PISD: variants seen among roughly 807,000 people sequenced by gnomAD.
The protein encoded by PISD is phosphatidylserine decarboxylase.
A neutral mutation model predicts 43.5 loss-of-function variants in PISD; 31 were observed. The ratio of observed to expected loss-of-function variants is 0.71; its 90% confidence interval spans 0.54 to 0.96. The LOEUF is 0.96. PISD is among the 40% of genes least tolerant of loss of function. PISD has a pLI of 0.00. For missense variants in PISD, 523 were observed against 548.4 expected, an observed-to-expected ratio of 0.95 and a Z score of 0.46; for synonymous variants, 259 against 228.7, an observed-to-expected ratio of 1.13 and a Z score of -1.20.
chr22:31,647,996 A>C, intron 3 of PISD, 105 bp downstream of exon 3: 1 of 988,998 alleles, frequency 1.0e-6, no homozygotes, highest in Non-Finnish European at 1.5e-6. Context: ...GAGTTCCAAG[A>C]AAGCATATTT....
At chr22:31,642,962 C>A (rs922230679) in intron 3 of PISD, among the ~76,000 whole-genome samples, 2 of 151,228 alleles carry the variant, frequency 1.3e-5, no homozygotes, top group East Asian at 3.9e-4. Context: ...ATTAGCCAGG[C>A]GTGGTGGCAC....
At chr22:31,662,443 C>G (rs183398218), upstream of PISD, 20 of 549,308 alleles carry the variant, frequency 3.6e-5, no homozygotes, top group East Asian at 5.8e-4. Flanking sequence ...CACTGCCACT[C>G]CTCCTCCTTC....
At chr22:31,637,143 TAAAAAAAAAAAAAAA>T (rs1170100945) in intron 3 of PISD, among the ~76,000 whole-genome samples, 36 of 31,582 alleles carry the variant, frequency 1.1e-3, no homozygotes, top group Admixed American at 1.8e-3. Flanking sequence ...ATAAATAAAT[TAAAAAAAAAAAAAAA>T]AAAAAAATAT....
At chr22:31,620,964 G>T in intron 6 of PISD, 32 bp downstream of exon 6, 1 of 1,591,344 alleles carries the variant, frequency 6.3e-7, no homozygotes, top group African/African-American at 1.4e-5. Context: ...AGCCCACAGA[G>T]GCAGCTCCCC....
chr22:31,630,226 C>CTGGA lies in PISD; in HGVS notation c.322-8342_322-8341insTCCA, dbSNP rs894869234. ...GAGGGCAGGCAGGACTCGCAGGGGT[C>CTGGA]TATCCTAGCCGCCCAAAGACAGGGA... is the stretch of plus-strand genomic sequence containing the variant. On this transcript the variant is annotated intron_variant, in intron 3 of 7. Transcript: ENST00000439502. The surrounding 1 kb of genome is among the most constrained non-coding windows in gnomAD (Gnocchi z 4.4). 2.2e-4 allele frequency among the ~76,000 whole-genome samples: 33 copies of CTGGA among 152,216 alleles called. No homozygotes were observed. The highest frequency in any genetic ancestry group is 8.3e-4 in the South Asian group (4 of 4,834).
rs1267084718 is a variant in PISD at position 31,619,739 on chromosome 22, C to T, written c.1103G>A (p.Gly368Asp). The change falls in exon 8 of 8, where the codon GGC (glycine) becomes GAC (aspartate). Residue 368 changes from glycine to aspartate, a missense_variant. Transcript: ENST00000439502. ...CAGGTTGAACTCGCCCAGGTGCTCG[C>T]CCTTACGCATGGGGACGCCCTCTCT... is the stretch of plus-strand genomic sequence containing the variant. ...TNREGVPMRKGEHLGEFNLGS... is the reference protein window; with the variant it reads ...TNREGVPMRKDEHLGEFNLGS... The T allele has an allele frequency of 6.2e-7, 1 of 1,614,182 alleles. No individual in the cohort carries two copies. The highest frequency in any genetic ancestry group is 1.7e-5 in the Admixed American group (1 of 60,028).
intron 3 of PISD, among the ~76,000 whole-genome samples, chr22:31,635,279 C>T (rs2049366720): frequency 1.3e-5 from 2 of 152,136 alleles, no homozygotes; most frequent in South Asian, 2.1e-4. Context: ...CCTTCCAGCC[C>T]AGAAGTTTAG....
intron 3 of PISD, among the ~76,000 whole-genome samples, chr22:31,644,163 C>A (rs1320826291): frequency 6.6e-6 from 1 of 152,076 alleles, no homozygotes; most frequent in African/African-American, 2.4e-5. Context: ...CTACAGGGCT[C>A]CTGGAAAACA....
intron 1 of PISD, among the ~76,000 whole-genome samples, chr22:31,658,171 G>A (rs546277342): frequency 2.6e-5 from 4 of 152,182 alleles, no homozygotes; most frequent in Non-Finnish European, 4.4e-5. Context: ...AAAGATGAAT[G>A]GATGGGTTCA....
intron 3 of PISD, chr22:31,628,193 C>A (rs749565784): frequency 1.0e-6 from 1 of 985,486 alleles, no homozygotes; most frequent in South Asian, 4.7e-5. Flanking sequence ...GGCTGAGCAC[C>A]GTCTGTCCCT....
At chr22:31,659,584 G>A (rs2074264934) in intron 1 of PISD, among the ~76,000 whole-genome samples, 1 of 152,004 alleles carries the variant, frequency 6.6e-6, no homozygotes, top group Non-Finnish European at 1.5e-5. Flanking sequence ...GTAGGATGGG[G>A]GCATATCTGG....
chr22:31,637,143 TAAAAAAAA>T (rs1170100945), intron 3 of PISD, among the ~76,000 whole-genome samples: 260 of 31,492 alleles, frequency 8.3e-3, no homozygotes, highest in East Asian at 0.012. Flanking sequence ...ATAAATAAAT[TAAAAAAAA>T]AAAAAAAAAA....
Position 31,619,116 on chromosome 22 carries a change from T to C in PISD, c.*496A>G, listed in dbSNP as rs1444886742. The C allele has an allele frequency of 4.0e-6, 1 of 248,454 alleles. No homozygotes were observed. Among genetic ancestry groups the C allele is most frequent in the African/African-American group, 2.3e-5 (1 of 43,790 alleles). 15.4% of individuals were successfully genotyped at this position (248,454 alleles called of 1,614,324 possible). ...GGTGAATGTGGGAACGGAAAGCAGTTGTCACGAAGGCTGTGTGGCTCTGCT... is the reference window on the plus strand; with the variant it reads ...GGTGAATGTGGGAACGGAAAGCAGTCGTCACGAAGGCTGTGTGGCTCTGCT... On this transcript the variant is annotated 3_prime_UTR_variant, in exon 8 of 8. Coordinates refer to ENST00000439502, the MANE Select transcript of PISD (RefSeq NM_001326411.2).
intron 1 of PISD, among the ~76,000 whole-genome samples, chr22:31,657,543 G>A (rs1045992277): frequency 2.0e-5 from 3 of 151,720 alleles, no homozygotes; most frequent in Non-Finnish European, 4.4e-5. Context: ...ATTTTTTTGA[G>A]ATGGCATCTT....
intron 3 of PISD, 70 bp downstream of exon 3, chr22:31,648,031 G>T: frequency 7.5e-7 from 1 of 1,341,624 alleles, no homozygotes; most frequent in Non-Finnish European, 1.0e-6. Flanking sequence ...TTTCAACTTT[G>T]GAACAACTGG....
intron 1 of PISD, among the ~76,000 whole-genome samples, chr22:31,656,279 G>A (rs1457795562): frequency 1.3e-5 from 2 of 152,088 alleles, no homozygotes; most frequent in East Asian, 1.9e-4. Flanking sequence ...AGGAGGTGGA[G>A]GTTGCAATGA....
intron 3 of PISD, among the ~76,000 whole-genome samples, chr22:31,625,264 G>C (rs1035317876): frequency 6.6e-6 from 1 of 152,126 alleles, no homozygotes; most frequent in African/African-American, 2.4e-5. Flanking sequence ...CTCTCCCATC[G>C]CACCCCGGTG....
intron 1 of PISD, among the ~76,000 whole-genome samples, chr22:31,651,212 C>G (rs898150327): frequency 1.3e-5 from 2 of 151,838 alleles, no homozygotes; most frequent in Non-Finnish European, 1.5e-5. Flanking sequence ...GATCCACCAG[C>G]CTCAGCCTCC....
In PISD at chr22:31,619,688, T is replaced by G; in HGVS notation, c.1154A>C (p.Glu385Ala). The stretch of plus-strand genomic sequence containing the variant: ...CTGGAAATTGAAGTCCTTGGGGGCC[T>G]CGAAGATGAGCACGATGGTGGAGCC... Reference protein sequence around the residue: ...NLGSTIVLIFEAPKDFNFQLK... With the variant: ...NLGSTIVLIFAAPKDFNFQLK... Residue 385 changes from glutamate to alanine, a missense_variant, in exon 8 of 8, where the codon GAG becomes GCG. Coordinates refer to ENST00000439502, the MANE Select transcript of PISD (RefSeq NM_001326411.2). The G allele has an allele frequency of 6.2e-7, 1 of 1,614,232 alleles. No homozygotes were observed. Among genetic ancestry groups the G allele is most frequent in the Non-Finnish European group, 8.5e-7 (1 of 1,180,034 alleles).
Sources: allele counts gnomAD v4.1 joint callset (sites outside exome capture counted in the v4.1 genomes callset), GRCh38; gene constraint gnomAD v4.1.1; non-coding constraint Gnocchi (gnomAD v3.1); transcripts MANE v1.5; gene names NCBI Gene and HGNC (gene_info 2026-07-23, HGNC 2026-07-21).